The following COL5A2 variants were observed in gnomAD, a reference collection of about 807,000 sequenced individuals.
COL5A2 encodes collagen alpha-2(V) chain.
In COL5A2, 23 loss-of-function variants were observed where a neutral mutation model predicts 208.2. The observed-to-expected ratio is 0.11, with a 90% CI of 0.08 to 0.16. The LOEUF (loss-of-function observed/expected upper bound fraction) is 0.16, where lower values mean the gene tolerates loss of function less well. COL5A2 is among the 10% of genes least tolerant of loss of function. The pLI is 1.00. For synonymous variants in COL5A2, 625 were observed against 628.5 expected (o/e 0.99, Z 0.08); for missense variants, 1,590 against 1,956.4 (o/e 0.81, Z 3.53).
intron 1 of COL5A2, among the ~76,000 whole-genome samples, chr2:189,156,300 C>T (rs1688245689): frequency 6.6e-6 from 1 of 152,032 alleles, no homozygotes; most frequent in African/African-American, 2.4e-5. Flanking sequence ...CTCAGAATGA[C>T]AACATTGCCC....
chr2:189,275,877 T>G, the COL5A2 span, among the ~76,000 whole-genome samples: 1 of 152,344 alleles, frequency 6.6e-6, no homozygotes, highest in East Asian at 1.9e-4. Flanking sequence ...TCTGTTTTGA[T>G]TTTTAAACCT....
chr2:189,254,887 C>T, the COL5A2 span, among the ~76,000 whole-genome samples: 1 of 152,214 alleles, frequency 6.6e-6, no homozygotes, highest in South Asian at 2.1e-4. Context: ...ATATACACCT[C>T]CTTCATTCCA....
chr2:189,160,040 A>C (rs917173354), intron 1 of COL5A2, among the ~76,000 whole-genome samples: 6 of 152,146 alleles, frequency 3.9e-5, no homozygotes, highest in African/African-American at 1.4e-4. Context: ...CAGGTAACAT[A>C]GAGTGTTGTT....
the COL5A2 span, among the ~76,000 whole-genome samples, chr2:189,263,547 G>T: frequency 1.5e-3 from 235 of 152,126 alleles, no homozygotes; most frequent in African/African-American, 5.2e-3. Context: ...CTACTATGCT[G>T]CCAGTCACAT....
rs114057415 is a variant in COL5A2 at position 189,039,117 on chromosome 2, G to C, written c.3925+155C>G. 2.0e-3 allele frequency among the ~76,000 whole-genome samples: 299 copies of C among 152,110 alleles called. 1 individual carries two copies. The highest frequency in any genetic ancestry group is 7.0e-3 in the African/African-American group (289 of 41,490). ...TTTTCATGTTTTCACAAAATTGACTGTTTCCACCATTAAATTATAAGCTCC... is the reference window on the plus strand; with the variant it reads ...TTTTCATGTTTTCACAAAATTGACTCTTTCCACCATTAAATTATAAGCTCC... On this transcript the variant is annotated intron_variant, in intron 51 of 53. Coordinates refer to ENST00000374866, the MANE Select transcript of COL5A2 (RefSeq NM_000393.5).
the COL5A2 span, among the ~76,000 whole-genome samples, chr2:189,425,900 G>A: frequency 6.6e-6 from 1 of 152,276 alleles, no homozygotes; most frequent in South Asian, 2.1e-4. Flanking sequence ...GGCCTCCCCA[G>A]AATCTGAGCA....
the COL5A2 span, among the ~76,000 whole-genome samples, chr2:189,285,794 A>G: frequency 1.3e-5 from 2 of 152,186 alleles, no homozygotes; most frequent in Non-Finnish European, 2.9e-5. Flanking sequence ...TTTAGATATT[A>G]ATTTCTCTGT....
intron 1 of COL5A2, among the ~76,000 whole-genome samples, chr2:189,185,025 C>T (rs558075822): frequency 5.2e-4 from 79 of 151,954 alleles, no homozygotes; most frequent in Non-Finnish European, 9.3e-4. Flanking sequence ...CTCTAATATG[C>T]TACTTTTTTT....
chr2:189,186,714 A>G (rs1411850587), intron 1 of COL5A2, among the ~76,000 whole-genome samples: 1 of 152,200 alleles, frequency 6.6e-6, no homozygotes. Flanking sequence ...AAATTACAAT[A>G]TTGGGAGACT....
chr2:189,258,991 A>G, the COL5A2 span, among the ~76,000 whole-genome samples: 1 of 152,174 alleles, frequency 6.6e-6, no homozygotes, highest in Non-Finnish European at 1.5e-5. Context: ...GTTCTCTAAG[A>G]CTTCCAGTTC....
At position 189,078,401 on chromosome 2, in the gene COL5A2, A is replaced by T. The variant is rs1686458249; in HGVS notation, c.1059+115T>A. On this transcript the variant is annotated intron_variant, in intron 16 of 53. Coordinates refer to ENST00000374866, the MANE Select transcript of COL5A2 (RefSeq NM_000393.5). ...CTTTATTCCAAAAGAAAAAGAAAAA[A>T]AAAAAAGGTGACCAGTACTATTACT... The T allele has an allele frequency of 3.6e-6, 3 of 843,026 alleles. No homozygotes were observed. In the East Asian group the frequency reaches 7.3e-5, roughly 21 times the overall value. 52.2% of individuals were successfully genotyped at this position (843,026 alleles called of 1,614,324 possible). A position where few individuals can be genotyped will look rare whatever the true frequency, so the allele number is the denominator to read the frequency against.
intron 41 of COL5A2, 132 bp downstream of exon 41, chr2:189,052,040 A>G: frequency 1.4e-6 from 1 of 699,004 alleles, no homozygotes; most frequent in Non-Finnish European, 2.3e-6. Context: ...AGCATGCATT[A>G]TTGGAATAAG....
chr2:189,255,918 A>G, the COL5A2 span, among the ~76,000 whole-genome samples: 3 of 152,180 alleles, frequency 2.0e-5, no homozygotes, highest in Non-Finnish European at 2.9e-5. Context: ...GAGATGAAGA[A>G]TCTTCTACTC....
At chr2:189,200,356 C>T (rs1689054699) in intron 1 of COL5A2, among the ~76,000 whole-genome samples, 1 of 152,038 alleles carries the variant, frequency 6.6e-6, no homozygotes, top group African/African-American at 2.4e-5. Flanking sequence ...GGGCTTTTAA[C>T]TTCTGACAAG....
intron 1 of COL5A2, among the ~76,000 whole-genome samples, chr2:189,145,116 G>A (rs140079997): frequency 6.6e-6 from 1 of 152,212 alleles, no homozygotes; most frequent in East Asian, 1.9e-4. Flanking sequence ...AGCCATGAGT[G>A]TTTCCATGTT....
chr2:189,117,416 T>C (rs1010735712), intron 1 of COL5A2, among the ~76,000 whole-genome samples: 1 of 152,172 alleles, frequency 6.6e-6, no homozygotes, highest in African/African-American at 2.4e-5. Context: ...GTGAATAAGT[T>C]TGGTACAGAG....
At chr2:189,388,719 A>C in the COL5A2 span, among the ~76,000 whole-genome samples, 1 of 152,202 alleles carries the variant, frequency 6.6e-6, no homozygotes, top group Non-Finnish European at 1.5e-5. Flanking sequence ...ACAAACTATA[A>C]AGGAATATGC....
chr2:189,377,168 C>G, the COL5A2 span, among the ~76,000 whole-genome samples: 1 of 152,178 alleles, frequency 6.6e-6, no homozygotes, highest in African/African-American at 2.4e-5. Flanking sequence ...CAGAACCGTA[C>G]CCAGGCATGG....
the COL5A2 span, among the ~76,000 whole-genome samples, chr2:189,279,065 C>A: frequency 2.6e-5 from 4 of 151,922 alleles, no homozygotes; most frequent in East Asian, 3.9e-4. Context: ...TCAAGAAATA[C>A]GAATATCCTT....
Sources: gnomAD v4.1 joint callset for allele counts (sites outside exome capture counted in the v4.1 genomes callset) on GRCh38, gnomAD v4.1.1 for gene constraint, MANE v1.5 for transcripts, NCBI Gene and HGNC (gene_info 2026-07-23, HGNC 2026-07-21) for gene names.